The following WDR7 variants were observed in gnomAD, a reference collection of about 807,000 sequenced individuals.
The protein encoded by WDR7 is WD repeat domain 7, also known as WD repeat-containing protein 7.
WDR7 carries 46 observed loss-of-function variants against 169.4 expected under a neutral mutation model. The ratio of observed to expected loss-of-function variants is 0.27; its 90% CI spans 0.21 to 0.35. The LOEUF is 0.35. Among genes scored for constraint, WDR7 ranks in the 10% least tolerant of loss-of-function variants. The pLI, the probability that WDR7 is intolerant of heterozygous loss-of-function variation, is 1.00. For missense variants in WDR7, 1,534 were observed against 1,859.3 expected (o/e 0.83, Z 3.22); for synonymous variants, 612 against 666.8 (o/e 0.92, Z 1.27).
chr18:56,917,977 C>T (rs1173135253), intron 21 of WDR7, among the ~76,000 whole-genome samples: 1 of 152,190 alleles, frequency 6.6e-6, no homozygotes, highest in Non-Finnish European at 1.5e-5. Flanking sequence ...CATTTCTCAA[C>T]AGCCAGAGGG....
At chr18:56,778,287 T>G (rs1490722614) in intron 17 of WDR7, among the ~76,000 whole-genome samples, 1 of 152,124 alleles carries the variant, frequency 6.6e-6, no homozygotes, top group Non-Finnish European at 1.5e-5. Context: ...ATGGTAAGGT[T>G]TTTGTCATTA....
chr18:56,656,510 G>A (rs1017159805), intron 1 of WDR7, among the ~76,000 whole-genome samples: 27 of 151,476 alleles, frequency 1.8e-4, no homozygotes, highest in African/African-American at 6.1e-4. Flanking sequence ...GAACTCCTGA[G>A]CTCAGGCAAT....
At chr18:56,739,412 C>A (rs958414324) in intron 14 of WDR7, among the ~76,000 whole-genome samples, 1 of 152,088 alleles carries the variant, frequency 6.6e-6, no homozygotes, top group Non-Finnish European at 1.5e-5. Flanking sequence ...ATTTGCCCCC[C>A]CTTCTTTTTA....
At chr18:56,817,878 A>G (rs1222913767) in intron 20 of WDR7, among the ~76,000 whole-genome samples, 2 of 151,740 alleles carry the variant, frequency 1.3e-5, no homozygotes, top group Admixed American at 6.6e-5. Context: ...TCAAGCAGCT[A>G]TAACTACAGG....
chr18:56,894,968 C>G (rs368943395), intron 21 of WDR7, among the ~76,000 whole-genome samples: 1 of 151,994 alleles, frequency 6.6e-6, no homozygotes, highest in Non-Finnish European at 1.5e-5. Context: ...AATTCAGTAT[C>G]TTTTCCACAT....
At chr18:56,895,108 G>A (rs1460759389) in intron 21 of WDR7, among the ~76,000 whole-genome samples, 2 of 151,706 alleles carry the variant, frequency 1.3e-5, no homozygotes, top group Admixed American at 6.6e-5. Flanking sequence ...GCATGTTAAT[G>A]GTATTATTTA....
At chr18:57,002,228 G>T (rs1568308292) in intron 26 of WDR7, among the ~76,000 whole-genome samples, 2 of 151,808 alleles carry the variant, frequency 1.3e-5, no homozygotes, top group Non-Finnish European at 2.9e-5. Context: ...GAAATCTTTG[G>T]GTCAGAAAAT....
intron 21 of WDR7, among the ~76,000 whole-genome samples, chr18:56,903,094 T>C (rs184990166): frequency 1.9e-3 from 295 of 152,286 alleles, no homozygotes; most frequent in African/African-American, 6.7e-3. Context: ...ATTAATGCCT[T>C]GGGTGGTAGT....
intron 26 of WDR7, among the ~76,000 whole-genome samples, chr18:56,995,706 A>C (rs1446293055): frequency 6.6e-6 from 1 of 152,162 alleles, no homozygotes; most frequent in African/African-American, 2.4e-5. Flanking sequence ...ATTTCATGAG[A>C]ACTACTAGAA....
At chr18:56,927,642 G>T (rs1464175197) in intron 22 of WDR7, among the ~76,000 whole-genome samples, 1 of 151,876 alleles carries the variant, frequency 6.6e-6, no homozygotes, top group Non-Finnish European at 1.5e-5. Flanking sequence ...TTCCAGAATT[G>T]GTTACCCCTT....
chr18:56,928,162 A>G (rs1422397600), intron 22 of WDR7, among the ~76,000 whole-genome samples: 1 of 152,212 alleles, frequency 6.6e-6, no homozygotes, highest in African/African-American at 2.4e-5. Context: ...GGATTCTCCC[A>G]TGTAAAACTG....
At chr18:56,890,689 T>C (rs2046252618) in intron 21 of WDR7, 1 of 152,224 alleles carries the variant, frequency 6.6e-6, no homozygotes, top group Admixed American at 6.5e-5. Context: ...CCTTTGTGTT[T>C]CCAACCTGGC....
chr18:56,851,760 TGAA>T (rs2045643881), intron 20 of WDR7, among the ~76,000 whole-genome samples: 1 of 152,240 alleles, frequency 6.6e-6, no homozygotes, highest in Admixed American at 6.5e-5. Flanking sequence ...TTCAATAACT[TGAA>T]GAATCACCAA....
Position 56,802,523 on chromosome 18 carries a change from ATTTTT to A in WDR7, c.3191-13494_3191-13490del, listed in dbSNP as rs34077855. On this transcript the variant is annotated intron_variant, in intron 19 of 27. Transcript: ENST00000254442. ...CAGGCACCCGCCGCCACACCGGCTA[ATTTTT>A]TTTTTTTTTTTTTGTATTTTTAGTA... is the stretch of plus-strand genomic sequence containing the variant. Among the ~76,000 whole-genome samples the A allele has an allele frequency of 3.6e-3, 480 of 132,418 alleles. 2 individuals carry two copies. The highest frequency in any genetic ancestry group is 0.012 in the African/African-American group (461 of 37,108). The allele number at this position is 132,418 out of a possible 152,430, so 86.9% of individuals were successfully genotyped here.
intron 19 of WDR7, among the ~76,000 whole-genome samples, chr18:56,798,750 T>A (rs1006852209): frequency 1.3e-5 from 2 of 152,194 alleles, no homozygotes; most frequent in Non-Finnish European, 2.9e-5. Context: ...TCTTAATAAA[T>A]GGATTATATA....
intron 1 of WDR7, among the ~76,000 whole-genome samples, chr18:56,669,404 T>C (rs625390): frequency 0.92 from 139,237 of 152,158 alleles, 64,853 homozygotes; most frequent in Non-Finnish European, 1. Context: ...AAATGAGAAG[T>C]AGAATCTAGA....
chr18:56,952,934 C>T (rs369149155), intron 25 of WDR7, among the ~76,000 whole-genome samples: 37 of 152,098 alleles, frequency 2.4e-4, no homozygotes, highest in African/African-American at 8.7e-4. Context: ...TGCCAGAGGT[C>T]GGGGGAGAAA....
At chr18:56,669,188 C>A (rs2025082195) in intron 1 of WDR7, among the ~76,000 whole-genome samples, 1 of 151,922 alleles carries the variant, frequency 6.6e-6, no homozygotes, top group Non-Finnish European at 1.5e-5. Flanking sequence ...TAAATTATTT[C>A]TATACAGAGC....
At chr18:56,931,624 A>G (rs1185621099) in intron 22 of WDR7, among the ~76,000 whole-genome samples, 4 of 150,896 alleles carry the variant, frequency 2.7e-5, no homozygotes, top group African/African-American at 9.7e-5. Context: ...TATAAAACTA[A>G]TTAGTAAGGC....
Sources: allele counts gnomAD v4.1 joint callset (sites outside exome capture counted in the v4.1 genomes callset), GRCh38; gene constraint gnomAD v4.1.1; transcripts MANE v1.5; gene names NCBI Gene and HGNC (gene_info 2026-07-23, HGNC 2026-07-21).